DOCK3: variants seen among roughly 807,000 people sequenced by gnomAD.
DOCK3 encodes dedicator of cytokinesis 3, also known as dedicator of cytokinesis protein 3.
A neutral mutation model predicts 265.6 loss-of-function variants in DOCK3; 60 were observed. The observed-to-expected ratio is 0.23, with a 90% confidence interval of 0.18 to 0.28. DOCK3 has a LOEUF of 0.28. Ranked by LOEUF, DOCK3 falls within the 10% of genes least tolerant of loss-of-function variation. The pLI is 1.00. For synonymous variants in DOCK3, 881 were observed against 938.0 expected (o/e 0.94, Z 1.11); for missense variants, 1,981 against 2,594.3 (o/e 0.76, Z 5.14).
At chr3:51,042,863 A>G (rs966649248) in intron 5 of DOCK3, among the ~76,000 whole-genome samples, 7 of 152,166 alleles carry the variant, frequency 4.6e-5, no homozygotes, top group Non-Finnish European at 1.0e-4. Context: ...AAAGAATAAA[A>G]CACCTAGGAG....
intron 6 of DOCK3, among the ~76,000 whole-genome samples, chr3:51,071,297 GTGAA>G (rs1371953613): frequency 1.3e-5 from 2 of 152,124 alleles, no homozygotes; most frequent in Non-Finnish European, 2.9e-5. Flanking sequence ...AATTATTGGA[GTGAA>G]TGAATGAATG....
intron 2 of DOCK3, among the ~76,000 whole-genome samples, chr3:50,822,568 C>T (rs1463622165): frequency 6.6e-6 from 1 of 151,988 alleles, no homozygotes; most frequent in Non-Finnish European, 1.5e-5. Flanking sequence ...GCAATCATAG[C>T]TCACTGCAGC....
At chr3:50,806,338 C>T (rs1232152623) in intron 2 of DOCK3, among the ~76,000 whole-genome samples, 1 of 151,986 alleles carries the variant, frequency 6.6e-6, no homozygotes, top group Non-Finnish European at 1.5e-5. Context: ...CCTGGCTGAC[C>T]TGGGGGCACA....
At chr3:51,123,781 A>C (rs1319939370) in intron 9 of DOCK3, among the ~76,000 whole-genome samples, 4 of 152,210 alleles carry the variant, frequency 2.6e-5, no homozygotes, top group African/African-American at 9.6e-5. Context: ...GCAGGTATTT[A>C]ACATAAGCCG....
intron 14 of DOCK3, 35 bp downstream of exon 14, chr3:51,214,282 G>A (rs550367425): frequency 1.2e-6 from 2 of 1,609,792 alleles, no homozygotes; most frequent in South Asian, 2.2e-5. Context: ...GAAGGAAGAT[G>A]GGTTAGGATG....
intron 2 of DOCK3, among the ~76,000 whole-genome samples, chr3:50,838,333 A>G (rs1210725023): frequency 6.6e-6 from 1 of 152,256 alleles, no homozygotes; most frequent in Non-Finnish European, 1.5e-5. Context: ...AAGTCTTTAT[A>G]AACTTGAGTG....
chr3:51,081,036 A>G (rs994200906), intron 7 of DOCK3, among the ~76,000 whole-genome samples: 4 of 152,152 alleles, frequency 2.6e-5, no homozygotes, highest in African/African-American at 9.7e-5. Context: ...ATGGGGACAT[A>G]TATTTCCATG....
intron 1 of DOCK3, among the ~76,000 whole-genome samples, chr3:50,762,260 GA>G (rs925568731): frequency 5.5e-5 from 8 of 144,240 alleles, no homozygotes; most frequent in East Asian, 4.1e-4. Flanking sequence ...TATAAAAAAA[GA>G]AAAAAAAAAG....
chr3:51,164,641 A>AAG, intron 12 of DOCK3, among the ~76,000 whole-genome samples: 1 of 149,528 alleles, frequency 6.7e-6, no homozygotes, highest in East Asian at 2.0e-4. Context: ...AAAAAAAAAA[A>AAG]GGAGGAGAGT....
intron 3 of DOCK3, among the ~76,000 whole-genome samples, chr3:50,878,049 C>G (rs940835260): frequency 2.6e-5 from 4 of 152,192 alleles, no homozygotes; most frequent in Non-Finnish European, 5.9e-5. Flanking sequence ...AACAGACCTG[C>G]AGCTGAAGGT....
At chr3:50,922,082 CTG>C (rs2050503797) in intron 4 of DOCK3, among the ~76,000 whole-genome samples, 1 of 152,212 alleles carries the variant, frequency 6.6e-6, no homozygotes, top group African/African-American at 2.4e-5. Flanking sequence ...CTCTTCAAAG[CTG>C]TCAGACAGGG....
In DOCK3 at chr3:51,150,617, A is replaced by T. The variant is rs184161184; in HGVS notation, c.828+3987A>T. Among the ~76,000 whole-genome samples the T allele has an allele frequency of 5.3e-5, 8 of 151,884 alleles. No homozygotes were observed. The South Asian group carries it at 8.3e-4, about 16-fold the overall frequency. ...TAACCCAGTAGTCATTCAGGAGCAG[A>T]TTGTTCAGTTTCCATGTAGTTGAGC... On this transcript the variant is annotated intron_variant, in intron 10 of 52. Transcript: ENST00000266037.
intron 4 of DOCK3, among the ~76,000 whole-genome samples, chr3:50,918,848 T>G (rs999363552): frequency 6.6e-6 from 1 of 152,256 alleles, no homozygotes; most frequent in African/African-American, 2.4e-5. Context: ...GCCTACGACC[T>G]GAATGGTATT....
intron 19 of DOCK3, among the ~76,000 whole-genome samples, chr3:51,234,101 T>C (rs2078254172): frequency 6.6e-6 from 1 of 152,212 alleles, no homozygotes; most frequent in African/African-American, 2.4e-5. Context: ...TAATTTACAT[T>C]CTCATCAACA....
intron 27 of DOCK3, 68 bp from the exon 28 acceptor site, chr3:51,310,164 G>A: frequency 1.6e-6 from 2 of 1,241,898 alleles, no homozygotes; most frequent in Non-Finnish European, 2.3e-6. Context: ...GTGGCGGCCA[G>A]GAGTGGCCTA....
intron 44 of DOCK3, among the ~76,000 whole-genome samples, 171 bp from the exon 45 acceptor site, chr3:51,357,587 A>G (rs541126936): frequency 6.6e-5 from 10 of 152,292 alleles, no homozygotes; most frequent in Non-Finnish European, 1.2e-4. Flanking sequence ...TCTCAGACAA[A>G]AAAACACACC....
chr3:51,314,861 A>G (rs917140008), intron 31 of DOCK3, 119 bp from the exon 32 acceptor site: 1 of 1,221,032 alleles, frequency 8.2e-7, no homozygotes, highest in Non-Finnish European at 1.1e-6. Flanking sequence ...CATAGGGGAG[A>G]GCTTGTTTTG....
At chr3:50,929,173 T>C (rs755441845) in intron 4 of DOCK3, among the ~76,000 whole-genome samples, 2 of 152,218 alleles carry the variant, frequency 1.3e-5, no homozygotes, top group Non-Finnish European at 2.9e-5. Flanking sequence ...TGTTGCAGAA[T>C]TTGGTTTTCA....
rs2039080367 is a variant in DOCK3, at chr3:50,742,108, T to TGAGGG, written c.38-36567_38-36566insGAGGG. On this transcript the variant is annotated intron_variant, in intron 1 of 52. Coordinates refer to ENST00000266037, the MANE Select transcript of DOCK3 (RefSeq NM_004947.5). ...GTGTCTGTTCATGTCCTTCGCCCAC[T>TGAGGG]TTTTGAACAGACCTGCAGCTGAGGG... is the stretch of plus-strand genomic sequence containing the variant. Among the ~76,000 whole-genome samples, 4 of 152,298 alleles carry TGAGGG rather than the reference T, an allele frequency of 2.6e-5. 1 individual carries two copies. The highest frequency in any genetic ancestry group is 9.6e-5 in the African/African-American group (4 of 41,582).
Sources: gnomAD v4.1 joint callset for allele counts (sites outside exome capture counted in the v4.1 genomes callset) on GRCh38, gnomAD v4.1.1 for gene constraint, MANE v1.5 for transcripts, NCBI Gene and HGNC (gene_info 2026-07-23, HGNC 2026-07-21) for gene names.